Variants in SLC71A2 observed in about 807,000 individuals in gnomAD.
The protein encoded by SLC71A2 is solute carrier family 71 member 2.
At chr9:94,400,615 T>A in the SLC71A2 span, among the ~76,000 whole-genome samples, 1 of 151,580 alleles carries the variant, frequency 6.6e-6, no homozygotes, top group Admixed American at 6.6e-5. Flanking sequence ...CTTGGATCAC[T>A]GCCTTTCCCC....
chr9:94,394,915 G>GTT, the SLC71A2 span, among the ~76,000 whole-genome samples: 6,791 of 63,686 alleles, frequency 0.11, 1,355 homozygotes, highest in African/African-American at 0.17. Context: ...TACTTTTTTT[G>GTT]TTTTTTTTTT....
chr9:94,445,273 C>A, the SLC71A2 span: 2 of 1,005,876 alleles, frequency 2.0e-6, no homozygotes, highest in Non-Finnish European at 2.9e-6. Context: ...AGGATCCTAG[C>A]AGTTGTTGAC....
At chr9:94,436,035 T>C in the SLC71A2 span, among the ~76,000 whole-genome samples, 1 of 152,242 alleles carries the variant, frequency 6.6e-6, no homozygotes, top group East Asian at 1.9e-4. Flanking sequence ...AGGCCACTCA[T>C]TCTCAGTCTT....
At chr9:94,403,795 C>A in the SLC71A2 span, among the ~76,000 whole-genome samples, 1 of 152,120 alleles carries the variant, frequency 6.6e-6, no homozygotes, top group Non-Finnish European at 1.5e-5. Flanking sequence ...CAACAGTGTG[C>A]AAGGCTTCTA....
the SLC71A2 span, among the ~76,000 whole-genome samples, chr9:94,442,321 A>C: frequency 0.51 from 76,639 of 151,418 alleles, 19,528 homozygotes; most frequent in Admixed American, 0.6. Flanking sequence ...ACAATTTTTA[A>C]CTTGTTGACT....
chr9:94,389,696 T>C, the SLC71A2 span, among the ~76,000 whole-genome samples: 5 of 151,952 alleles, frequency 3.3e-5, no homozygotes, highest in East Asian at 9.7e-4. Flanking sequence ...AGCCTCAAAC[T>C]CCTGGGCTTA....
At chr9:94,409,135 T>TTTC in the SLC71A2 span, among the ~76,000 whole-genome samples, 1 of 125,272 alleles carries the variant, frequency 8.0e-6, no homozygotes, top group East Asian at 2.2e-4. Context: ...CCTCCTTTTT[T>TTTC]TTTTTTTTTT....
chr9:94,378,559 C>T, the SLC71A2 span, among the ~76,000 whole-genome samples: 1,874 of 151,462 alleles, frequency 0.012, 25 homozygotes, highest in Middle Eastern at 0.072. Context: ...AACTGGGAGG[C>T]GCCACTGCAC....
the SLC71A2 span, chr9:94,460,321 T>G: frequency 6.6e-6 from 1 of 152,656 alleles, no homozygotes; most frequent in African/African-American, 2.4e-5. Context: ...ATGATTTGCT[T>G]CTTCCCATGT....
the SLC71A2 span, among the ~76,000 whole-genome samples, chr9:94,442,831 G>A: frequency 3.3e-5 from 5 of 150,790 alleles, no homozygotes; most frequent in Admixed American, 6.6e-5. Context: ...GGCTGGCGAC[G>A]GTCAGACCCG....
chr9:94,399,432 A>G, the SLC71A2 span, among the ~76,000 whole-genome samples: 8 of 152,212 alleles, frequency 5.3e-5, no homozygotes, highest in Non-Finnish European at 1.0e-4. Flanking sequence ...ACAGGTGTAT[A>G]TAATACACAC....
the SLC71A2 span, among the ~76,000 whole-genome samples, chr9:94,421,695 G>T: frequency 6.6e-6 from 1 of 152,058 alleles, no homozygotes; most frequent in Non-Finnish European, 1.5e-5. Context: ...AATATTTTGC[G>T]TTTTGTGTGA....
At chr9:94,384,336 C>CTT in the SLC71A2 span, among the ~76,000 whole-genome samples, 281 of 133,268 alleles carry the variant, frequency 2.1e-3, 1 homozygote, top group Middle Eastern at 3.9e-3. Flanking sequence ...TCAAATTTTC[C>CTT]TTTTTTTTTT....
chr9:94,446,718 T>A, the SLC71A2 span: 1 of 538,790 alleles, frequency 1.9e-6, no homozygotes, highest in South Asian at 3.2e-5. Context: ...ATTTGACTTT[T>A]GTTATTCATC....
At chr9:94,419,705 A>G in the SLC71A2 span, among the ~76,000 whole-genome samples, 3 of 152,030 alleles carry the variant, frequency 2.0e-5, no homozygotes, top group African/African-American at 7.2e-5. Flanking sequence ...TTCCCAAAGC[A>G]TTGGGATTAC....
At chr9:94,440,464 T>C in the SLC71A2 span, among the ~76,000 whole-genome samples, 2 of 151,868 alleles carry the variant, frequency 1.3e-5, no homozygotes, top group Non-Finnish European at 1.5e-5. Flanking sequence ...TATTAAAATA[T>C]TTTTCTATCC....
chr9:94,410,907 A>G, the SLC71A2 span, among the ~76,000 whole-genome samples: 1 of 152,202 alleles, frequency 6.6e-6, no homozygotes, highest in African/African-American at 2.4e-5. Flanking sequence ...CTAGGATTAC[A>G]GGCACTTGCC....
chr9:94,398,625 C>T, the SLC71A2 span, among the ~76,000 whole-genome samples: 5 of 151,114 alleles, frequency 3.3e-5, no homozygotes, highest in Admixed American at 3.3e-4. Flanking sequence ...CCCCAATAAA[C>T]TTGTTTGTGG....
chr9:94,428,090 T>C, the SLC71A2 span, among the ~76,000 whole-genome samples: 2 of 151,240 alleles, frequency 1.3e-5, no homozygotes, highest in Non-Finnish European at 1.5e-5. Flanking sequence ...ACCACTGCAC[T>C]CCAGCCTGGC....
Sources: allele counts gnomAD v4.1 joint callset (sites outside exome capture counted in the v4.1 genomes callset), GRCh38; gene constraint gnomAD v4.1.1; transcripts MANE v1.5; gene names NCBI Gene and HGNC (gene_info 2026-07-23, HGNC 2026-07-21).